Variants in LYPD6B observed in about 807,000 individuals in gnomAD.
LYPD6B encodes LY6/PLAUR domain containing 6B.
LYPD6B carries 17 observed loss-of-function variants against 22.8 expected under a neutral mutation model. The ratio of observed to expected loss-of-function variants is 0.75; its 90% CI spans 0.51 to 1.12. The LOEUF is 1.12. Among genes scored for constraint, LYPD6B ranks in the 50% most tolerant of loss-of-function variants. The probability of loss-of-function intolerance (pLI) is 0.00; values close to 1 mark genes in which losing one functional copy is unlikely to be tolerated. For missense variants in LYPD6B, 221 were observed against 258.3 expected, an observed-to-expected ratio of 0.86 and a Z score of 0.99; for synonymous variants, 106 against 91.6, an observed-to-expected ratio of 1.16 and a Z score of -0.90.
At chr2:149,155,884 C>A (rs758412750) in intron 2 of LYPD6B, among the ~76,000 whole-genome samples, 1 of 152,162 alleles carries the variant, frequency 6.6e-6, no homozygotes, top group African/African-American at 2.4e-5. Flanking sequence ...GTGAACTCTT[C>A]CAGTGAAGGA....
intron 3 of LYPD6B, among the ~76,000 whole-genome samples, chr2:149,165,586 A>G (rs1360884774): frequency 1.3e-5 from 2 of 152,192 alleles, no homozygotes; most frequent in Non-Finnish European, 2.9e-5. Context: ...CACTATATGG[A>G]GTCCTTTAGA....
chr2:149,175,061 C>CTCTCTCTG (rs1454802925), intron 3 of LYPD6B, among the ~76,000 whole-genome samples: 59 of 113,070 alleles, frequency 5.2e-4, no homozygotes, highest in East Asian at 1.7e-3. Flanking sequence ...CTCTCTCTCT[C>CTCTCTCTG]TGTGTGTGTG....
chr2:149,120,380 TA>T (rs1307350188), intron 1 of LYPD6B, among the ~76,000 whole-genome samples: 76 of 42,872 alleles, frequency 1.8e-3, no homozygotes, highest in Non-Finnish European at 2.1e-3. Context: ...TATATATATA[TA>T]TATTTTTTTT....
chr2:149,076,986 A>C (rs1407077362), intron 1 of LYPD6B, among the ~76,000 whole-genome samples: 2 of 152,156 alleles, frequency 1.3e-5, no homozygotes, highest in Non-Finnish European at 2.9e-5. Context: ...AAGTGAAAAC[A>C]TTCCTAACCC....
At chr2:149,156,360 G>A (rs1031747342) in intron 2 of LYPD6B, among the ~76,000 whole-genome samples, 10 of 152,190 alleles carry the variant, frequency 6.6e-5, no homozygotes, top group Non-Finnish European at 1.3e-4. Context: ...GAGTGTCCCC[G>A]TGACCTTTCC....
At chr2:149,138,672 G>C (rs893627671) in intron 2 of LYPD6B, among the ~76,000 whole-genome samples, 4 of 152,094 alleles carry the variant, frequency 2.6e-5, no homozygotes, top group Non-Finnish European at 4.4e-5. Context: ...CTCCCAAGTG[G>C]CTAAGACTAT....
At chr2:149,133,673 T>C (rs1688171035) in intron 2 of LYPD6B, among the ~76,000 whole-genome samples, 1 of 152,206 alleles carries the variant, frequency 6.6e-6, no homozygotes, top group African/African-American at 2.4e-5. Flanking sequence ...CTTGCTTCAG[T>C]TGGCTTTGAC....
intron 2 of LYPD6B, among the ~76,000 whole-genome samples, chr2:149,146,982 C>T (rs1441144645): frequency 6.6e-6 from 1 of 152,238 alleles, no homozygotes; most frequent in Non-Finnish European, 1.5e-5. Context: ...GGGTGCCCTC[C>T]TGAGGCCTCA....
chr2:149,056,005 C>A (rs974811588), intron 1 of LYPD6B, among the ~76,000 whole-genome samples: 1 of 152,154 alleles, frequency 6.6e-6, no homozygotes, highest in Non-Finnish European at 1.5e-5. Context: ...CTTTTATACT[C>A]TTAAGAATCT....
intron 3 of LYPD6B, among the ~76,000 whole-genome samples, chr2:149,182,941 T>C (rs1407445698): frequency 6.6e-6 from 1 of 152,246 alleles, no homozygotes; most frequent in Non-Finnish European, 1.5e-5. Context: ...GGATGGCAAA[T>C]ACTTCTTCAT....
chr2:149,065,503 C>T (rs1684279530), intron 1 of LYPD6B, among the ~76,000 whole-genome samples: 1 of 152,208 alleles, frequency 6.6e-6, no homozygotes, highest in South Asian at 2.1e-4. Context: ...ACTTTCTCTT[C>T]TGCCCAATCT....
chr2:149,073,974 C>T (rs191118919), intron 1 of LYPD6B, among the ~76,000 whole-genome samples: 33 of 152,148 alleles, frequency 2.2e-4, no homozygotes, highest in African/African-American at 7.5e-4. Flanking sequence ...CTCAACAGAC[C>T]GTGCTCCATT....
intron 1 of LYPD6B, among the ~76,000 whole-genome samples, chr2:149,123,633 G>A (rs1687515994): frequency 6.6e-6 from 1 of 152,132 alleles, no homozygotes; most frequent in South Asian, 2.1e-4. Context: ...GGAGGCCGAG[G>A]CAGGCAGATC....
chr2:149,170,208 G>A (rs1249560858), intron 3 of LYPD6B, among the ~76,000 whole-genome samples: 1 of 152,194 alleles, frequency 6.6e-6, no homozygotes, highest in Non-Finnish European at 1.5e-5. Flanking sequence ...TTATTTGCCT[G>A]TACCTCTTGC....
rs531830791 is a variant in LYPD6B at position 149,173,673 on chromosome 2, A to G, written c.77+12838A>G. Among the ~76,000 whole-genome samples the G allele has an allele frequency of 3.9e-5, 6 of 152,292 alleles. No individual in the cohort carries two copies. The East Asian group carries it at 1.2e-3, about 29-fold the overall frequency. On this transcript the variant is annotated intron_variant, in intron 3 of 6. Transcript: ENST00000409642. ...GTGTATGGAACTCTACTGATGTAAT[A>G]TCTTGTAACCATGTCACAAAAGAAG...
intron 1 of LYPD6B, among the ~76,000 whole-genome samples, chr2:149,061,887 T>TATCTCTAAATTAGAGTAA (rs1684099454): frequency 6.6e-6 from 1 of 152,192 alleles, no homozygotes; most frequent in Non-Finnish European, 1.5e-5. Context: ...AAGTTAAACA[T>TATCTCTAAATTAGAGTAA]TATCTCTAAA....
intron 1 of LYPD6B, among the ~76,000 whole-genome samples, chr2:149,087,530 C>T (rs1341653813): frequency 6.6e-6 from 1 of 152,060 alleles, no homozygotes; most frequent in Admixed American, 6.6e-5. Flanking sequence ...TATGTCGCCG[C>T]ACTCTAGCCT....
At chr2:149,202,890 T>C (rs187988584) in intron 3 of LYPD6B, among the ~76,000 whole-genome samples, 22 of 152,320 alleles carry the variant, frequency 1.4e-4, no homozygotes, top group African/African-American at 5.3e-4. Flanking sequence ...CAGGCATTAA[T>C]TTAATTCCTA....
intron 5 of LYPD6B, among the ~76,000 whole-genome samples, chr2:149,210,714 T>C (rs4667345): frequency 0.27 from 40,415 of 152,116 alleles, 5,884 homozygotes; most frequent in Non-Finnish European, 0.31. Context: ...TTTTTAGGGC[T>C]GCCTTAGCAT....
Sources: allele counts gnomAD v4.1 joint callset (sites outside exome capture counted in the v4.1 genomes callset), GRCh38; gene constraint gnomAD v4.1.1; transcripts MANE v1.5; gene names NCBI Gene and HGNC (gene_info 2026-07-23, HGNC 2026-07-21).